The following MGST3 variants were observed in gnomAD, a reference collection of about 807,000 sequenced individuals.
The protein encoded by MGST3 is glutathione S-transferase 3, mitochondrial.
Under a neutral mutation model 15.8 loss-of-function variants are expected in MGST3, and 13 were observed. The observed-to-expected ratio is 0.82, with a 90% CI of 0.54 to 1.31. The LOEUF (loss-of-function observed/expected upper bound fraction) is 1.31. Among genes scored for constraint, MGST3 ranks in the 50% most tolerant of loss-of-function variants. The probability of loss-of-function intolerance (pLI) is 0.00; values close to 1 mark genes in which losing one functional copy is unlikely to be tolerated. For synonymous variants in MGST3, 49 were observed against 68.1 expected (o/e 0.72, Z 1.38); for missense variants, 155 against 192.4 (o/e 0.81, Z 1.15).
chr1:165,650,133 A>G, intron 2 of MGST3, 169 bp downstream of exon 2: 1 of 900,728 alleles, frequency 1.1e-6, no homozygotes, highest in East Asian at 2.7e-5. Context: ...AAGAGGCAAG[A>G]AATACAGGGC....
At chr1:165,650,194 A>AGG (rs1648514516) in intron 2 of MGST3, 1 of 565,602 alleles carries the variant, frequency 1.8e-6, no homozygotes. Flanking sequence ...TTCGGTAGAA[A>AGG]GACCAGGAAT....
At position 165,655,387 on chromosome 1, in the gene MGST3, A is replaced by C; in HGVS notation, c.342A>C (p.Arg114=). The change falls in exon 6 of 6, where the codon CGA becomes CGC. Residue 114 remains arginine, a synonymous_variant. Transcript: ENST00000367889. ...TTTCAGAACCCAGCAAGCGTAGTCG[A>C]GGAGCCCTGGGGTCCATCGCCCTCC... The part of the protein sequence containing the change: ...YYTGEPSKRS[R]GALGSIALLG... The C allele has an allele frequency of 6.2e-7, 1 of 1,613,998 alleles. No homozygotes were observed. Among genetic ancestry groups the C allele is most frequent in the Non-Finnish European group, 8.5e-7 (1 of 1,179,958 alleles).
intron 1 of MGST3, 28 bp downstream of exon 1, chr1:165,631,321 C>G (rs912308627): frequency 6.5e-6 from 1 of 153,016 alleles, no homozygotes; most frequent in Non-Finnish European, 1.5e-5. Flanking sequence ...CGGGCAGCCA[C>G]GAGCACCGGG....
chr1:165,642,142 T>G (rs1476241523), intron 1 of MGST3, among the ~76,000 whole-genome samples: 1 of 152,260 alleles, frequency 6.6e-6, no homozygotes, highest in African/African-American at 2.4e-5. Context: ...AATTGGGTAC[T>G]TGTTTACTTA....
At chr1:165,645,437 C>A (rs1347669804) in intron 1 of MGST3, among the ~76,000 whole-genome samples, 2 of 151,972 alleles carry the variant, frequency 1.3e-5, no homozygotes, top group African/African-American at 4.8e-5. Context: ...TTCTGGAATA[C>A]CTCAGGGAGG....
chr1:165,653,273 T>C (rs947655091), intron 4 of MGST3, among the ~76,000 whole-genome samples: 2 of 152,194 alleles, frequency 1.3e-5, no homozygotes, highest in African/African-American at 4.8e-5. Flanking sequence ...TCCCCATTCC[T>C]ATCACACATC....
chr1:165,645,270 T>G (rs950521843), intron 1 of MGST3, among the ~76,000 whole-genome samples: 4 of 152,196 alleles, frequency 2.6e-5, no homozygotes, highest in Admixed American at 2.6e-4. Context: ...AAGCTTTTTT[T>G]GTTAAAAATT....
chr1:165,651,978 G>T lies in MGST3; in HGVS notation c.192G>T (p.Thr64=), dbSNP rs771162725. 6.2e-7 allele frequency: 1 copy of T among 1,611,190 alleles called. No individual in the cohort carries two copies. Among genetic ancestry groups the T allele is most frequent in the Non-Finnish European group, 8.5e-7 (1 of 1,178,492 alleles). Residue 64 remains threonine (T), a splice_region_variant and synonymous_variant, in exon 4 of 6, where the codon ACG becomes ACT. Transcript: ENST00000367889. ...FNCIQRAHQN[T]LEVYPPFLFF... ...AAAAGTTTCTTTCTGTCAATTCCAG[G>T]TTGGAAGTGTATCCTCCCTTCTTAT...
intron 1 of MGST3, among the ~76,000 whole-genome samples, chr1:165,635,238 C>A (rs1046966688): frequency 6.6e-6 from 1 of 152,144 alleles, no homozygotes. Flanking sequence ...CCCACAGAAC[C>A]TTCTGTGTCA....
In MGST3 at chr1:165,654,149, C is replaced by T. The variant is rs4147604; in HGVS notation, c.250-130C>T. On this transcript the variant is annotated intron_variant, in intron 4 of 5. Transcript: ENST00000367889. ...AACTAACTTAATTCTACCTAATTTG[C>T]GTGGGGAGTAGTTGGCCAAATCATC... The T allele has an allele frequency of 1.1e-5, 9 of 805,894 alleles. 1 individual carries two copies. The highest frequency in any genetic ancestry group is 6.8e-5 in the African/African-American group (4 of 58,788). The allele number at this position is 805,894 out of a possible 1,614,324, so 49.9% of individuals were successfully genotyped here.
chr1:165,637,628 G>A (rs1237109259), intron 1 of MGST3, among the ~76,000 whole-genome samples: 1 of 152,138 alleles, frequency 6.6e-6, no homozygotes, highest in Non-Finnish European at 1.5e-5. Context: ...TACGTCAAAT[G>A]GTGGCAGAAG....
chr1:165,647,524 G>C (rs1306082688), intron 1 of MGST3: 1 of 152,102 alleles, frequency 6.6e-6, no homozygotes, highest in Non-Finnish European at 1.5e-5. Context: ...CTATAAAGTG[G>C]AGCTAATAGG....
intron 1 of MGST3, among the ~76,000 whole-genome samples, chr1:165,635,473 G>A (rs1405521842): frequency 1.3e-5 from 2 of 152,176 alleles, no homozygotes; most frequent in Non-Finnish European, 2.9e-5. Flanking sequence ...AGTTTCAACA[G>A]AGTTCGTGTG....
At chr1:165,641,598 C>G (rs999028007) in intron 1 of MGST3, among the ~76,000 whole-genome samples, 1 of 152,162 alleles carries the variant, frequency 6.6e-6, no homozygotes, top group South Asian at 2.1e-4. Flanking sequence ...ATATTTGGAC[C>G]AACATTTATT....
intron 2 of MGST3, chr1:165,650,412 T>C (rs1208397620): frequency 4.2e-6 from 1 of 237,108 alleles, no homozygotes; most frequent in African/African-American, 2.3e-5. Context: ...GGTGGTCTAT[T>C]AAACACTTCC....
intron 2 of MGST3, chr1:165,650,414 A>T (rs887638425): frequency 7.7e-5 from 18 of 234,936 alleles, no homozygotes; most frequent in African/African-American, 3.9e-4. Context: ...TGGTCTATTA[A>T]ACACTTCCTT....
At chr1:165,643,645 C>T (rs1648316599) in intron 1 of MGST3, among the ~76,000 whole-genome samples, 1 of 151,692 alleles carries the variant, frequency 6.6e-6, no homozygotes, top group South Asian at 2.1e-4. Context: ...GCAGCCGTAT[C>T]AGTTGAGGCC....
In MGST3 at chr1:165,655,567, A is replaced by AT. The variant is rs888063059; in HGVS notation, c.*71dup. 56 of 1,591,134 alleles carry AT rather than the reference A, an allele frequency of 3.5e-5. No individual in the cohort carries two copies. In the African/African-American group the frequency reaches 5.4e-4, roughly 15 times the overall value. On this transcript the variant is annotated 3_prime_UTR_variant, in exon 6 of 6. Transcript: ENST00000367889. ...ATGACTTACCTTTATTTCCAGTTAC[A>AT]TTTTTTTTCTAAATATAATAAAAAC...
chr1:165,654,508 T>C (rs959774722), intron 5 of MGST3, among the ~76,000 whole-genome samples, 157 bp downstream of exon 5: 2 of 152,124 alleles, frequency 1.3e-5, no homozygotes, highest in Non-Finnish European at 2.9e-5. Context: ...CTGGGCAACA[T>C]GGTGAAACCC....
Sources: gnomAD v4.1 joint callset for allele counts (sites outside exome capture counted in the v4.1 genomes callset) on GRCh38, gnomAD v4.1.1 for gene constraint, MANE v1.5 for transcripts, NCBI Gene and HGNC (gene_info 2026-07-23, HGNC 2026-07-21) for gene names.